CCND3: variants seen among roughly 807,000 people sequenced by gnomAD.
The protein encoded by CCND3 is G1/S-specific cyclin-D3.
In CCND3, 9 loss-of-function variants were observed where a neutral mutation model predicts 28.7. That is an observed-to-expected ratio of 0.31 (90% CI 0.19 to 0.55). The LOEUF (loss-of-function observed/expected upper bound fraction) is 0.55. Ranked by LOEUF, CCND3 falls within the 20% of genes least tolerant of loss-of-function variation. The probability of loss-of-function intolerance (pLI) is 0.93; values close to 1 mark genes in which losing one functional copy is unlikely to be tolerated. For synonymous variants in CCND3, 164 were observed against 163.9 expected, an observed-to-expected ratio of 1.00 and a Z score of 0.00; for missense variants, 315 against 385.8, an observed-to-expected ratio of 0.82 and a Z score of 1.54.
In CCND3 at chr6:41,953,534, G is replaced by A. The variant is rs190640142; in HGVS notation, c.-45-12949C>T. Reference sequence around the variant, plus strand: ...ATTTCAGTGCCCAAGGAATCTCATGGAGAACCAGTAAGAATGGGGATTCCC... The same window carrying A: ...ATTTCAGTGCCCAAGGAATCTCATGAAGAACCAGTAAGAATGGGGATTCCC... On this transcript the variant is annotated intron_variant, in intron 1 of 4. Transcript: ENST00000372988. Among the ~76,000 whole-genome samples, 4 of 152,176 alleles carry A rather than the reference G, an allele frequency of 2.6e-5. 1 individual carries two copies. Among genetic ancestry groups the A allele is most frequent in the South Asian group, 2.1e-4 (1 of 4,826 alleles).
intron 1 of CCND3, among the ~76,000 whole-genome samples, chr6:42,042,470 T>G (rs1764401943): frequency 6.6e-6 from 1 of 152,042 alleles, no homozygotes; most frequent in African/African-American, 2.4e-5. Context: ...TAGCGATTCT[T>G]CTGCCTCAGC....
intron 1 of CCND3, among the ~76,000 whole-genome samples, chr6:42,028,976 T>TTG (rs1294109371): frequency 1.1e-4 from 16 of 145,768 alleles, no homozygotes; most frequent in African/African-American, 4.4e-4. Context: ...AAACGGTTTT[T>TTG]TTTTTTTTTT....
At chr6:41,973,058 C>T (rs115305716) in intron 1 of CCND3, among the ~76,000 whole-genome samples, 5 of 152,076 alleles carry the variant, frequency 3.3e-5, no homozygotes, top group African/African-American at 1.2e-4. Flanking sequence ...GTCAATGAGA[C>T]GTTGGGCTGG....
At chr6:42,036,411 T>A (rs1270330399) in intron 1 of CCND3, among the ~76,000 whole-genome samples, 60 of 104,800 alleles carry the variant, frequency 5.7e-4, no homozygotes, top group Non-Finnish European at 8.6e-4. Context: ...ATATTTTTTT[T>A]TTTTTTTTTT....
intron 1 of CCND3, among the ~76,000 whole-genome samples, chr6:42,026,747 G>A (rs1283241259): frequency 1.3e-5 from 2 of 152,118 alleles, no homozygotes; most frequent in Admixed American, 1.3e-4. Context: ...ATGTCATCTG[G>A]CAACTTTGAG....
intron 1 of CCND3, among the ~76,000 whole-genome samples, chr6:41,957,299 T>C (rs1776463028): frequency 6.6e-6 from 1 of 152,198 alleles, no homozygotes; most frequent in Admixed American, 6.5e-5. Flanking sequence ...GCTTATCAGG[T>C]TAAATTTAAA....
chr6:41,982,745 G>T (rs1326927168), intron 1 of CCND3, among the ~76,000 whole-genome samples: 2 of 152,144 alleles, frequency 1.3e-5, no homozygotes, highest in East Asian at 3.9e-4. Context: ...ATAGATCAAT[G>T]AAACAGAACT....
At chr6:41,980,645 A>T (rs1762319720) in intron 1 of CCND3, among the ~76,000 whole-genome samples, 1 of 152,206 alleles carries the variant, frequency 6.6e-6, no homozygotes, top group African/African-American at 2.4e-5. Context: ...AAATATAAGC[A>T]AATTTAATCT....
intron 1 of CCND3, among the ~76,000 whole-genome samples, chr6:42,023,395 T>A (rs9471734): frequency 0.094 from 14,340 of 152,278 alleles, 871 homozygotes; most frequent in Non-Finnish European, 0.14. Context: ...CTGTGGGGCA[T>A]GAGTTCAATG....
At chr6:42,045,767 C>T (rs1446263432) in intron 1 of CCND3, among the ~76,000 whole-genome samples, 5 of 152,262 alleles carry the variant, frequency 3.3e-5, no homozygotes, top group African/African-American at 1.2e-4. Context: ...AACACATCTA[C>T]TGCTCAGCAG....
intron 1 of CCND3, among the ~76,000 whole-genome samples, chr6:42,018,891 TAAA>T (rs10568698): frequency 2.5e-3 from 339 of 136,834 alleles, no homozygotes; most frequent in Non-Finnish European, 3.3e-3. Context: ...AACTCCATGT[TAAA>T]AAAAAAAAAA....
chr6:42,039,241 A>G (rs537944750), intron 1 of CCND3, among the ~76,000 whole-genome samples: 3 of 152,322 alleles, frequency 2.0e-5, no homozygotes, highest in East Asian at 1.9e-4. Flanking sequence ...AGTAACTTTG[A>G]TGTGTGTCTT....
rs569902848 is a variant in CCND3, at chr6:42,040,608, C to G, written c.-46+7893G>C. On this transcript the variant is annotated intron_variant, in intron 1 of 4. Coordinates refer to the CCND3 transcript ENST00000372988. ...GTGTCTCATGCCTGTAATTCCAGCACTTTGGGAGGCTGAGGCGGGTGGATC... is the reference window on the plus strand; with the variant it reads ...GTGTCTCATGCCTGTAATTCCAGCAGTTTGGGAGGCTGAGGCGGGTGGATC... Among the ~76,000 whole-genome samples, 10 of 152,104 alleles carry G rather than the reference C, an allele frequency of 6.6e-5. No individual in the cohort carries two copies. The South Asian group carries it at 1.2e-3, about 19-fold the overall frequency.
At chr6:41,946,770 T>A (rs912401779), upstream of CCND3, among the ~76,000 whole-genome samples, 3 of 151,926 alleles carry the variant, frequency 2.0e-5, no homozygotes, top group Non-Finnish European at 4.4e-5. Context: ...TCTTTGCTTG[T>A]CCATTCCTAT....
At chr6:41,942,435 GA>G (rs1456141809), upstream of CCND3, among the ~76,000 whole-genome samples, 9 of 152,180 alleles carry the variant, frequency 5.9e-5, no homozygotes, top group African/African-American at 2.2e-4. Context: ...CCCCTAACCT[GA>G]ATCAGAATCT....
Position 41,935,601 on chromosome 6 carries a change from TGA to T in CCND3, c.*337_*338del. On this transcript the variant is annotated 3_prime_UTR_variant, in exon 5 of 5. Coordinates refer to ENST00000372991, the MANE Select transcript of CCND3 (RefSeq NM_001760.5). Reference sequence around the variant, plus strand: ...TAGAGCATTTTGGCAGTTGAAAACATGAGAGCCCCCAGGGGTGGGGGGGGGCG... The same window carrying T: ...TAGAGCATTTTGGCAGTTGAAAACATGAGCCCCCAGGGGTGGGGGGGGGCG... The T allele has an allele frequency of 2.2e-6, 1 of 460,614 alleles. No homozygotes were observed. The highest frequency in any genetic ancestry group is 3.5e-5 in the Admixed American group (1 of 28,718). The allele number at this position is 460,614 out of a possible 1,614,324, so 28.5% of individuals were successfully genotyped here.
intron 1 of CCND3, among the ~76,000 whole-genome samples, chr6:41,950,457 T>C (rs1202294822): frequency 6.6e-6 from 1 of 152,166 alleles, no homozygotes; most frequent in Non-Finnish European, 1.5e-5. Flanking sequence ...GGCAGTTTAC[T>C]TAACTTTTCC....
intron 1 of CCND3, among the ~76,000 whole-genome samples, chr6:42,042,703 G>A (rs1329339260): frequency 6.6e-6 from 1 of 152,104 alleles, no homozygotes; most frequent in Admixed American, 6.5e-5. Flanking sequence ...CTGTGCCTCA[G>A]TTTCCTTATG....
chr6:41,936,394 G>C lies in CCND3; in HGVS notation c.711+165C>G. 1.2e-6 allele frequency: 1 copy of C among 814,628 alleles called. No homozygotes were observed. The highest frequency in any genetic ancestry group is 1.9e-6 in the Non-Finnish European group (1 of 520,676). The allele number at this position is 814,628 out of a possible 1,614,324, so 50.5% of individuals were successfully genotyped here. On this transcript the variant is annotated intron_variant, in intron 4 of 4. Coordinates refer to ENST00000372991, the MANE Select transcript of CCND3 (RefSeq NM_001760.5). The surrounding 1 kb of genome is among the most constrained non-coding windows in gnomAD (Gnocchi z 4.4). Reference sequence around the variant, plus strand: ...GCCCTTCACCCCACCCAAGATACTTGCTCTTCCCCAGACCAAGGCAGGAGA... The same window carrying C: ...GCCCTTCACCCCACCCAAGATACTTCCTCTTCCCCAGACCAAGGCAGGAGA...
Sources: gnomAD v4.1 joint callset for allele counts (sites outside exome capture counted in the v4.1 genomes callset) on GRCh38, gnomAD v4.1.1 for gene constraint, Gnocchi (gnomAD v3.1) non-coding constraint, MANE v1.5 for transcripts, NCBI Gene and HGNC (gene_info 2026-07-23, HGNC 2026-07-21) for gene names.